The following GPR137C variants were observed in gnomAD, a reference collection of about 807,000 sequenced individuals.
GPR137C encodes integral membrane protein GPR137C.
Under a neutral mutation model 43.4 loss-of-function variants are expected in GPR137C, and 27 were observed. That is an observed-to-expected ratio of 0.62 (90% CI 0.46 to 0.86). The LOEUF is 0.86. Among genes scored for constraint, GPR137C ranks in the 40% least tolerant of loss-of-function variants. The probability of loss-of-function intolerance (pLI) is 0.00; values close to 1 mark genes in which losing one functional copy is unlikely to be tolerated. For missense variants in GPR137C, 522 were observed against 534.6 expected (o/e 0.98, Z 0.23); for synonymous variants, 285 against 226.9 (o/e 1.26, Z -2.30).
At chr14:52,621,694 G>A (rs1440312918) in intron 3 of GPR137C, among the ~76,000 whole-genome samples, 1 of 151,624 alleles carries the variant, frequency 6.6e-6, no homozygotes, top group Non-Finnish European at 1.5e-5. Flanking sequence ...TCAAATGATA[G>A]GATATTAACT....
At chr14:52,585,153 C>T (rs911219336) in intron 1 of GPR137C, among the ~76,000 whole-genome samples, 7 of 152,164 alleles carry the variant, frequency 4.6e-5, no homozygotes, top group African/African-American at 1.7e-4. Context: ...TTATCCTTCT[C>T]GATATCAAAA....
At chr14:52,587,429 G>T (rs528502859) in intron 1 of GPR137C, among the ~76,000 whole-genome samples, 2 of 152,192 alleles carry the variant, frequency 1.3e-5, no homozygotes, top group Non-Finnish European at 2.9e-5. Context: ...ATGTACAAAG[G>T]CACAGAGATA....
At chr14:52,568,734 G>C (rs2038414309) in intron 1 of GPR137C, among the ~76,000 whole-genome samples, 1 of 152,240 alleles carries the variant, frequency 6.6e-6, no homozygotes. Context: ...TAGCCAGACT[G>C]CCTCTGTAGA....
At chr14:52,601,496 GTGTA>G (rs767643575) in intron 3 of GPR137C, among the ~76,000 whole-genome samples, 12 of 147,042 alleles carry the variant, frequency 8.2e-5, no homozygotes, top group South Asian at 2.1e-4. Flanking sequence ...GTGTGTGTGT[GTGTA>G]TATATATATA....
chr14:52,567,449 A>G (rs2038388143), intron 1 of GPR137C, among the ~76,000 whole-genome samples: 1 of 152,148 alleles, frequency 6.6e-6, no homozygotes, highest in Admixed American at 6.5e-5. Context: ...TATTTGAGAT[A>G]CCTTTATTTC....
intron 1 of GPR137C, among the ~76,000 whole-genome samples, chr14:52,570,935 CAG>C (rs1198227763): frequency 1.3e-5 from 2 of 152,124 alleles, no homozygotes; most frequent in African/African-American, 2.4e-5. Context: ...ATTAACGAAA[CAG>C]AAAATTAACA....
At chr14:52,561,860 T>C (rs2038288965) in intron 1 of GPR137C, among the ~76,000 whole-genome samples, 2 of 152,092 alleles carry the variant, frequency 1.3e-5, no homozygotes, top group Admixed American at 1.3e-4. Flanking sequence ...GGGTGAAATT[T>C]AGTGGGTGGG....
chr14:52,618,686 G>C (rs2039126646), intron 3 of GPR137C, among the ~76,000 whole-genome samples: 1 of 152,030 alleles, frequency 6.6e-6, no homozygotes, highest in Non-Finnish European at 1.5e-5. Context: ...TAAAACGCAT[G>C]CTAATAGAAT....
chr14:52,605,986 T>A (rs2038979676), intron 3 of GPR137C, among the ~76,000 whole-genome samples: 1 of 152,216 alleles, frequency 6.6e-6, no homozygotes, highest in South Asian at 2.1e-4. Flanking sequence ...TCATCAGAGA[T>A]GTTGGCCTGT....
At chr14:52,572,266 A>C (rs1214346689) in intron 1 of GPR137C, among the ~76,000 whole-genome samples, 4 of 152,212 alleles carry the variant, frequency 2.6e-5, no homozygotes, top group Admixed American at 2.6e-4. Flanking sequence ...CATCATCCTG[A>C]TACCAAAACC....
chr14:52,611,014 T>C (rs1389005487), intron 3 of GPR137C, among the ~76,000 whole-genome samples: 1 of 152,222 alleles, frequency 6.6e-6, no homozygotes, highest in Admixed American at 6.5e-5. Flanking sequence ...TTCACATAAA[T>C]TCTTATTGGA....
intron 1 of GPR137C, among the ~76,000 whole-genome samples, chr14:52,593,982 C>T (rs1164990947): frequency 6.6e-6 from 1 of 152,122 alleles, no homozygotes; most frequent in African/African-American, 2.4e-5. Context: ...TGTAAATTTC[C>T]CTCTACACAC....
chr14:52,610,672 G>C, intron 3 of GPR137C, among the ~76,000 whole-genome samples: 1 of 152,220 alleles, frequency 6.6e-6, no homozygotes, highest in African/African-American at 2.4e-5. Flanking sequence ...TGGGTAAGGA[G>C]GGGACGACTG....
chr14:52,626,493 G>A (rs1203842640), intron 3 of GPR137C, among the ~76,000 whole-genome samples: 2 of 150,588 alleles, frequency 1.3e-5, no homozygotes, highest in Non-Finnish European at 3.0e-5. Context: ...TAGAAGAAAA[G>A]GAAAGTACTT....
intron 1 of GPR137C, among the ~76,000 whole-genome samples, chr14:52,580,399 G>A (rs1198520138): frequency 2.6e-5 from 4 of 152,062 alleles, no homozygotes; most frequent in Non-Finnish European, 1.5e-5. Context: ...GTCTCACCCT[G>A]TAGCCCAAGC....
At chr14:52,617,494 C>T (rs1394971166) in intron 3 of GPR137C, among the ~76,000 whole-genome samples, 1 of 152,056 alleles carries the variant, frequency 6.6e-6, no homozygotes, top group African/African-American at 2.4e-5. Context: ...GCCTAGCCAA[C>T]ATGGTGAAAC....
chr14:52,589,980 CT>C (rs974445883), intron 1 of GPR137C, among the ~76,000 whole-genome samples: 4 of 152,178 alleles, frequency 2.6e-5, no homozygotes, highest in Middle Eastern at 3.4e-3. Flanking sequence ...GAATGGCTTT[CT>C]ACTTATTAAA....
At position 52,553,171 on chromosome 14, in the gene GPR137C, G is replaced by T; in HGVS notation, c.24G>T (p.Pro8=). 8.5e-7 allele frequency: 1 copy of T among 1,178,878 alleles called. No individual in the cohort carries two copies. The highest frequency in any genetic ancestry group is 4.2e-5 in the South Asian group (1 of 23,826). 73.0% of individuals were successfully genotyped at this position (1,178,878 alleles called of 1,614,324 possible). Reference sequence around the variant, plus strand: ...TCATGAGGGTGTCCGTGCCGGGTCCGGCGGCCGCTGCCGCCCCCGCAGCCG... The same window carrying T: ...TCATGAGGGTGTCCGTGCCGGGTCCTGCGGCCGCTGCCGCCCCCGCAGCCG... MRVSVPG[P]AAAAAPAAGR... Residue 8 remains proline, a synonymous_variant, in exon 1 of 7, where the codon CCG becomes CCT. Transcript: ENST00000321662.
chr14:52,598,245 A>C, intron 1 of GPR137C, 27 bp from the exon 2 acceptor site: 1 of 1,052,784 alleles, frequency 9.5e-7, no homozygotes, highest in Non-Finnish European at 1.4e-6. Context: ...ACGTTTTCAA[A>C]ATTTTTTTTT....
Sources: gnomAD v4.1 joint callset for allele counts (sites outside exome capture counted in the v4.1 genomes callset) on GRCh38, gnomAD v4.1.1 for gene constraint, MANE v1.5 for transcripts, NCBI Gene and HGNC (gene_info 2026-07-23, HGNC 2026-07-21) for gene names.